Variants in AK5 observed in about 807,000 individuals in gnomAD.
The protein encoded by AK5 is adenylate kinase isoenzyme 5.
In AK5, 27 loss-of-function variants were observed where a neutral mutation model predicts 69.5. The observed-to-expected ratio is 0.39, with a 90% CI of 0.29 to 0.54. AK5 has a LOEUF of 0.54. Among genes scored for constraint, AK5 ranks in the 20% least tolerant of loss-of-function variants. AK5 has a pLI of 0.71. For synonymous variants in AK5, 260 were observed against 244.4 expected, an observed-to-expected ratio of 1.06 and a Z score of -0.60; for missense variants, 531 against 700.4, an observed-to-expected ratio of 0.76 and a Z score of 2.73.
intron 6 of AK5, among the ~76,000 whole-genome samples, chr1:77,381,466 TATGTACAAGACAC>T (rs11275907): frequency 0.33 from 50,745 of 151,966 alleles, 9,168 homozygotes; most frequent in East Asian, 0.59. Flanking sequence ...ACAGGCCAGC[TATGTACAAGACAC>T]ATGTACAAGA....
chr1:77,287,142 G>A lies in AK5; in HGVS notation c.247+15G>A. 1 of 1,502,940 alleles carries A rather than the reference G, an allele frequency of 6.7e-7. No homozygotes were observed. 93.1% of individuals were successfully genotyped at this position (1,502,940 alleles called of 1,614,324 possible). A position where few individuals can be genotyped will look rare whatever the true frequency, so the allele number is the denominator to read the frequency against. ...TCTAAGAAATGGTAATGTATATGGA[G>A]AATAATAGACAGTTTTATAGTTATA... On this transcript the variant is annotated intron_variant, in intron 2 of 13. Coordinates refer to ENST00000354567, the MANE Select transcript of AK5 (RefSeq NM_174858.3).
intron 11 of AK5, among the ~76,000 whole-genome samples, chr1:77,519,000 T>A (rs1407164620): frequency 6.6e-6 from 1 of 152,042 alleles, no homozygotes; most frequent in Non-Finnish European, 1.5e-5. Flanking sequence ...CCTAAATTCA[T>A]CCCACTTTAG....
intron 6 of AK5, among the ~76,000 whole-genome samples, chr1:77,387,158 T>C (rs2100516620): frequency 6.6e-6 from 1 of 152,330 alleles, no homozygotes; most frequent in African/African-American, 2.4e-5. Context: ...TGAATGTTTT[T>C]GAGCAAGATA....
chr1:77,509,508 C>T (rs575958138), intron 10 of AK5, among the ~76,000 whole-genome samples: 7 of 152,144 alleles, frequency 4.6e-5, no homozygotes, highest in South Asian at 2.1e-4. Flanking sequence ...TCTTAGGGCA[C>T]GGTCAGTTCA....
At chr1:77,306,396 T>C (rs985182223) in intron 5 of AK5, among the ~76,000 whole-genome samples, 4 of 152,172 alleles carry the variant, frequency 2.6e-5, no homozygotes, top group African/African-American at 2.4e-5. Flanking sequence ...GATTTATGTA[T>C]GTTGAACCAT....
intron 8 of AK5, among the ~76,000 whole-genome samples, chr1:77,459,074 A>T (rs777589972): frequency 1.3e-5 from 2 of 152,102 alleles, no homozygotes; most frequent in African/African-American, 2.4e-5. Flanking sequence ...CAGCCTCTGG[A>T]TTCCCTCAGA....
rs889719527 is a variant in AK5 at position 77,523,045 on chromosome 1, C to T, written c.1428+1102C>T. On this transcript the variant is annotated intron_variant, in intron 12 of 13. Transcript: ENST00000354567. ...AACTGCTAGCAGGACTAAGATTTTG[C>T]GGGACCCATCGCCATCCACTTCTAG... Among the ~76,000 whole-genome samples, 3 of 152,208 alleles carry T rather than the reference C, an allele frequency of 2.0e-5. No homozygotes were observed. In the South Asian group the frequency reaches 6.2e-4, roughly 32 times the overall value.
chr1:77,443,698 T>C (rs1052567086), intron 8 of AK5, among the ~76,000 whole-genome samples: 36 of 151,160 alleles, frequency 2.4e-4, no homozygotes, highest in Non-Finnish European at 4.9e-4. Context: ...TGTGTGTGTG[T>C]GTGTGTGTGT....
At chr1:77,438,319 A>G (rs6603948) in intron 8 of AK5, among the ~76,000 whole-genome samples, 57 of 61,332 alleles carry the variant, frequency 9.3e-4, no homozygotes, top group Non-Finnish European at 1.9e-3. Flanking sequence ...AAAAAAAAAA[A>G]AAAAACAAGC....
intron 6 of AK5, among the ~76,000 whole-genome samples, chr1:77,343,664 T>C (rs1368672734): frequency 6.6e-6 from 1 of 152,142 alleles, no homozygotes; most frequent in Non-Finnish European, 1.5e-5. Flanking sequence ...ACCTGTAAAA[T>C]AGGTATAATA....
At chr1:77,349,963 T>C (rs776099154) in intron 6 of AK5, among the ~76,000 whole-genome samples, 3 of 152,234 alleles carry the variant, frequency 2.0e-5, no homozygotes, top group Non-Finnish European at 2.9e-5. Flanking sequence ...TGAGGGCCTA[T>C]GTATTCATGG....
At chr1:77,448,809 G>A (rs1255167967) in intron 8 of AK5, among the ~76,000 whole-genome samples, 1 of 152,208 alleles carries the variant, frequency 6.6e-6, no homozygotes, top group Admixed American at 6.5e-5. Context: ...CACCCTCTTT[G>A]AGGCTCTGTG....
intron 8 of AK5, among the ~76,000 whole-genome samples, chr1:77,418,347 G>A (rs1344975500): frequency 2.0e-5 from 3 of 152,142 alleles, no homozygotes; most frequent in South Asian, 4.2e-4. Flanking sequence ...GAAAAGACCC[G>A]CCCCTGTGAT....
chr1:77,501,515 G>A (rs1034369758), intron 10 of AK5, among the ~76,000 whole-genome samples: 12 of 152,270 alleles, frequency 7.9e-5, no homozygotes, highest in Non-Finnish European at 1.8e-4. Context: ...AACCCATACA[G>A]CATGTTACCA....
At chr1:77,533,604 A>C (rs1485660599) in intron 12 of AK5, among the ~76,000 whole-genome samples, 1 of 151,488 alleles carries the variant, frequency 6.6e-6, no homozygotes. Flanking sequence ...TCCAAATGAC[A>C]TGCTGCTGGT....
intron 8 of AK5, among the ~76,000 whole-genome samples, chr1:77,421,136 C>T (rs1047237745): frequency 6.6e-6 from 1 of 152,300 alleles, no homozygotes; most frequent in African/African-American, 2.4e-5. Context: ...TGACTCCTGT[C>T]GTGAACCATT....
intron 12 of AK5, among the ~76,000 whole-genome samples, chr1:77,527,626 A>G (rs898632267): frequency 6.6e-6 from 1 of 152,246 alleles, no homozygotes; most frequent in Non-Finnish European, 1.5e-5. Context: ...GATTTCTTAC[A>G]TACTGCTAGG....
At chr1:77,356,115 C>G (rs766159176) in intron 6 of AK5, among the ~76,000 whole-genome samples, 3 of 152,132 alleles carry the variant, frequency 2.0e-5, no homozygotes, top group Non-Finnish European at 4.4e-5. Context: ...CTTGGTTAAA[C>G]TGCACATCAA....
intron 6 of AK5, among the ~76,000 whole-genome samples, chr1:77,402,563 G>C (rs1248447907): frequency 6.6e-6 from 1 of 151,226 alleles, no homozygotes; most frequent in African/African-American, 2.4e-5. Flanking sequence ...TTCTGTCCTT[G>C]CGATAGTTTG....
Sources: allele counts gnomAD v4.1 joint callset (sites outside exome capture counted in the v4.1 genomes callset), GRCh38; gene constraint gnomAD v4.1.1; transcripts MANE v1.5; gene names NCBI Gene and HGNC (gene_info 2026-07-23, HGNC 2026-07-21).